Variants in NLRP13 observed in about 807,000 individuals in gnomAD.
The protein encoded by NLRP13 is NACHT, LRR and PYD domains-containing protein 13.
Under a neutral mutation model 94.4 loss-of-function variants are expected in NLRP13, and 82 were observed. The ratio of observed to expected loss-of-function variants is 0.87; its 90% CI spans 0.73 to 1.04. The LOEUF (loss-of-function observed/expected upper bound fraction) is 1.04, where lower values mean the gene tolerates loss of function less well. Among genes scored for constraint, NLRP13 ranks in the 50% least tolerant of loss-of-function variants. The pLI is 0.00. For missense variants in NLRP13, 1,426 were observed against 1,230.8 expected (o/e 1.16, Z -2.37); for synonymous variants, 553 against 464.7 (o/e 1.19, Z -2.45).
At chr19:55,896,340 T>G (rs557590858) in intron 10 of NLRP13, among the ~76,000 whole-genome samples, 5 of 151,300 alleles carry the variant, frequency 3.3e-5, no homozygotes, top group Non-Finnish European at 7.4e-5. Context: ...CTGGGCAACA[T>G]GGTGAAACCC....
chr19:55,920,889 T>A (rs946300458), intron 4 of NLRP13, among the ~76,000 whole-genome samples: 1 of 151,948 alleles, frequency 6.6e-6, no homozygotes, highest in Non-Finnish European at 1.5e-5. Context: ...GAAAATGTGG[T>A]GTATGTATGT....
At chr19:55,919,906 G>A (rs1315615835) in intron 4 of NLRP13, among the ~76,000 whole-genome samples, 1 of 152,104 alleles carries the variant, frequency 6.6e-6, no homozygotes, top group African/African-American at 2.4e-5. Context: ...AAATCTGTAT[G>A]CATCACCTTA....
chr19:55,902,481 C>T (rs1986214997), intron 8 of NLRP13, among the ~76,000 whole-genome samples: 1 of 152,128 alleles, frequency 6.6e-6, no homozygotes, highest in Non-Finnish European at 1.5e-5. Flanking sequence ...ACTTTCAAGG[C>T]TCCAAGGCTC....
intron 4 of NLRP13, among the ~76,000 whole-genome samples, chr19:55,918,918 CA>C (rs1986742150): frequency 6.6e-6 from 1 of 151,616 alleles, no homozygotes; most frequent in African/African-American, 2.4e-5. Context: ...AACAAGGACA[CA>C]AAAAGACAAC....
intron 1 of NLRP13, among the ~76,000 whole-genome samples, chr19:55,927,369 GA>G (rs35906975): frequency 0.48 from 59,449 of 123,786 alleles, 13,264 homozygotes; most frequent in African/African-American, 0.56. Flanking sequence ...CTCCATCTAG[GA>G]AAAAAAAAAA....
rs374591965 is a variant in NLRP13, at chr19:55,931,709, C to CAA, written c.319+282_319+283dup. 3.6e-3 allele frequency among the ~76,000 whole-genome samples: 311 copies of CAA among 85,878 alleles called. 3 individuals carry two copies. The highest frequency in any genetic ancestry group is 0.012 in the African/African-American group (263 of 21,918). 56.3% of individuals were successfully genotyped at this position (85,878 alleles called of 152,430 possible). ...GGGCGACAGAGTGGAGACTCAGGCTCAAAAAAAAAAAAAAAAGAAAGAAAG... is the reference window on the plus strand; with the variant it reads ...GGGCGACAGAGTGGAGACTCAGGCTCAAAAAAAAAAAAAAAAAAGAAAGAAAG... On this transcript the variant is annotated intron_variant, in intron 1 of 10. Coordinates refer to ENST00000342929, the MANE Select transcript of NLRP13 (RefSeq NM_176810.2).
In NLRP13 at chr19:55,904,969, TGA is replaced by T. The variant is rs1286728006; in HGVS notation, c.2589_2590del (p.His864ProfsTer53). ...CAGTCTCTCTAAGGCACACTTGGGGTGAGTCAGGGCCGCACACAATAGCTTTA... is the reference window on the plus strand; with the variant it reads ...CAGTCTCTCTAAGGCACACTTGGGGTGTCAGGGCCGCACACAATAGCTTTA... On this transcript the variant is annotated frameshift_variant, in exon 8 of 11. Transcript: ENST00000342929. LOFTEE classifies it high-confidence loss of function. 6.2e-7 allele frequency: 1 copy of T among 1,613,112 alleles called. No homozygotes were observed. Among genetic ancestry groups the T allele is most frequent in the Non-Finnish European group, 8.5e-7 (1 of 1,179,672 alleles).
chr19:55,932,219 T>A lies in NLRP13; in HGVS notation c.93A>T (p.Glu31Asp). Residue 31 changes from glutamate (E) to aspartate (D), a missense_variant, in exon 1 of 11, where the codon GAA (glutamate) becomes GAT (aspartate). By Grantham distance (45) the Glu-to-Asp change is conservative. Transcript: ENST00000342929. ...GCTGGGGTTCCAAGCAAAGCTTGAA[T>A]TCCTCCAGCTGATACTGATCCAGGG... ...LMALDQYQLE[E>D]FKLCLEPQQL... The A allele has an allele frequency of 1.2e-6, 2 of 1,613,892 alleles. No individual in the cohort carries two copies. Among genetic ancestry groups the A allele is most frequent in the Non-Finnish European group, 1.7e-6 (2 of 1,179,890 alleles).
At chr19:55,924,828 G>A in intron 2 of NLRP13, 139 bp downstream of exon 2, 1 of 841,268 alleles carries the variant, frequency 1.2e-6, no homozygotes, top group South Asian at 1.6e-5. Flanking sequence ...AAGCAATACT[G>A]AAAGAATTAG....
At chr19:55,924,274 C>T (rs182347365) in intron 3 of NLRP13, among the ~76,000 whole-genome samples, 1 of 152,210 alleles carries the variant, frequency 6.6e-6, no homozygotes, top group Admixed American at 6.5e-5. Context: ...AGGCACACAC[C>T]ACCAGGCCTG....
intron 1 of NLRP13, among the ~76,000 whole-genome samples, chr19:55,927,491 T>G (rs1986996977): frequency 1.3e-5 from 2 of 151,930 alleles, no homozygotes; most frequent in Non-Finnish European, 2.9e-5. Flanking sequence ...TGGACTTCCA[T>G]TTGTACACCT....
At chr19:55,895,237 C>A (rs1230408970), downstream of NLRP13, among the ~76,000 whole-genome samples, 1 of 149,952 alleles carries the variant, frequency 6.7e-6, no homozygotes, top group Non-Finnish European at 1.5e-5. Context: ...AGAAAATTAG[C>A]CAGGCGTAGT....
intron 1 of NLRP13, 74 bp from the exon 2 acceptor site, chr19:55,925,109 G>T: frequency 7.5e-7 from 1 of 1,334,048 alleles, no homozygotes; most frequent in Non-Finnish European, 1.1e-6. Context: ...GAGTCTCTCA[G>T]TAGAACCAAC....
At chr19:55,918,610 C>T (rs912751034) in intron 4 of NLRP13, among the ~76,000 whole-genome samples, 2 of 152,010 alleles carry the variant, frequency 1.3e-5, no homozygotes, top group African/African-American at 4.8e-5. Context: ...TACTCACAAA[C>T]TAAAAACCCA....
At position 55,911,907 on chromosome 19, in the gene NLRP13, C is replaced by T. The variant is rs779549413; in HGVS notation, c.1910G>A (p.Arg637Gln). The T allele has an allele frequency of 5.6e-6, 9 of 1,614,004 alleles. No individual in the cohort carries two copies. Among genetic ancestry groups the T allele is most frequent in the African/African-American group, 2.7e-5 (2 of 74,908 alleles). Residue 637 changes from arginine (R) to glutamine (Q), a missense_variant, in exon 5 of 11, where the codon CGA becomes CAA. Coordinates refer to ENST00000342929, the MANE Select transcript of NLRP13 (RefSeq NM_176810.2). Reference sequence around the variant, plus strand: ...GGACTCGTGTAGGCAGTGAAAAAGTCGTAGAATGTGAAATTGGAGAGAGGC... The same window carrying T: ...GGACTCGTGTAGGCAGTGAAAAAGTTGTAGAATGTGAAATTGGAGAGAGGC... ...ESASLQFHIL[R>Q]LFHCLHESQE...
At chr19:55,900,477 G>T (rs1986134741) in intron 9 of NLRP13, among the ~76,000 whole-genome samples, 2 of 152,094 alleles carry the variant, frequency 1.3e-5, no homozygotes, top group Admixed American at 1.3e-4. Flanking sequence ...GATTCCTCGA[G>T]AATCTAGAAC....
In NLRP13 at chr19:55,896,087, C is replaced by T. The variant is rs902412648; in HGVS notation, c.2990G>A (p.Cys997Tyr). The change falls in exon 11 of 11, where the codon TGC (cysteine) becomes TAC (tyrosine). Residue 997 changes from cysteine to tyrosine, a missense_variant. Coordinates refer to ENST00000342929, the MANE Select transcript of NLRP13 (RefSeq NM_176810.2). The stretch of plus-strand genomic sequence containing the variant: ...GCTGAGAACAGAGAAGAGATGCTGG[C>T]AGCAAGCAGTTGTCAGATTGCATTT... ...LAKCNLTTAC[C>Y]QHLFSVLSSS... 6.2e-7 allele frequency: 1 copy of T among 1,614,076 alleles called. No homozygotes were observed. Among genetic ancestry groups the T allele is most frequent in the African/African-American group, 1.3e-5 (1 of 75,020 alleles).
chr19:55,918,793 ACAAAGAAGAACTGGTAC>A lies in NLRP13; in HGVS notation c.523+5104_523+5120del, dbSNP rs144401487. On this transcript the variant is annotated intron_variant, in intron 4 of 10. Transcript: ENST00000342929. ...TTCACAACCAAATTCTACAAGACAT[ACAAAGAAGAACTGGTAC>A]CAATCCTACTGAAACTGTTGCAGAA... Among the ~76,000 whole-genome samples, 1,017 of 152,228 alleles carry A rather than the reference ACAAAGAAGAACTGGTAC, an allele frequency of 6.7e-3. 14 individuals are homozygous for A. Among genetic ancestry groups the A allele is most frequent in the African/African-American group, 0.023 (969 of 41,562 alleles).
At position 55,902,174 on chromosome 19, in the gene NLRP13, A is replaced by T. The variant is rs199475877; in HGVS notation, c.2650T>A (p.Cys884Ser). Residue 884 changes from cysteine (C) to serine (S), a missense_variant, in exon 9 of 11, where the codon TGC becomes AGC. Coordinates refer to ENST00000342929, the MANE Select transcript of NLRP13 (RefSeq NM_176810.2). Reference sequence around the variant, plus strand: ...AGGAGAGCATCTGACAAGTGCTTGCAAGCGGGTGCTGCCAGCTGGCAAAAC... The same window carrying T: ...AGGAGAGCATCTGACAAGTGCTTGCTAGCGGGTGCTGCCAGCTGGCAAAAC... ...LWFCQLAAPA[C>S]KHLSDALLQN... 1.2e-6 allele frequency: 2 copies of T among 1,614,012 alleles called. No individual in the cohort carries two copies. The highest frequency in any genetic ancestry group is 2.7e-5 in the African/African-American group (2 of 75,048).
Sources: gnomAD v4.1 joint callset for allele counts (sites outside exome capture counted in the v4.1 genomes callset) on GRCh38, gnomAD v4.1.1 for gene constraint, MANE v1.5 for transcripts, NCBI Gene and HGNC (gene_info 2026-07-23, HGNC 2026-07-21) for gene names.